The following GRM8 variants were observed in gnomAD, a reference collection of about 807,000 sequenced individuals.
GRM8 encodes metabotropic glutamate receptor 8.
GRM8 carries 47 observed loss-of-function variants against 87.2 expected under a neutral mutation model. The ratio of observed to expected loss-of-function variants is 0.54; its 90% CI spans 0.43 to 0.69. The LOEUF is 0.69. Ranked by LOEUF, GRM8 falls within the 30% of genes least tolerant of loss-of-function variation. The pLI, the probability that GRM8 is intolerant of heterozygous loss-of-function variation, is 0.00. For synonymous variants in GRM8, 396 were observed against 404.5 expected (o/e 0.98, Z 0.25); for missense variants, 1,019 against 1,139.2 (o/e 0.89, Z 1.52).
chr7:127,055,812 G>GA (rs111733090), intron 3 of GRM8, among the ~76,000 whole-genome samples: 22,798 of 149,238 alleles, frequency 0.15, 1,762 homozygotes, highest in South Asian at 0.25. Context: ...TCTCTAAGGG[G>GA]AAAAAAAAAA....
At chr7:126,919,306 G>C (rs1290881254) in intron 3 of GRM8, among the ~76,000 whole-genome samples, 4 of 152,116 alleles carry the variant, frequency 2.6e-5, no homozygotes, top group African/African-American at 4.8e-5. Flanking sequence ...TCAACATTTT[G>C]TGTTTCTATG....
chr7:126,532,975 C>T lies in GRM8; in HGVS notation c.2407G>A (p.Gly803Ser). Residue 803 changes from glycine to serine, a missense_variant, in exon 9 of 11, where the codon GGT becomes AGT. Gly to Ser is a moderately conservative substitution (Grantham distance 56). Transcript: ENST00000339582. The stretch of plus-strand genomic sequence containing the variant: ...ACCTTTTCTGCTGACTGGGCTGTAC[C>T]AAAAAAGATGGGGATGAAAGCTAAC... The part of the protein sequence containing the change: ...IWLAFIPIFF[G>S]TAQSAEKMYI... The T allele has an allele frequency of 1.2e-6, 2 of 1,611,466 alleles. No individual in the cohort carries two copies. Among genetic ancestry groups the T allele is most frequent in the Non-Finnish European group, 8.5e-7 (1 of 1,178,656 alleles).
chr7:126,447,572 C>T (rs1436663988), intron 9 of GRM8, among the ~76,000 whole-genome samples: 1 of 151,884 alleles, frequency 6.6e-6, no homozygotes, highest in Non-Finnish European at 1.5e-5. Context: ...CAAGACCAAA[C>T]TAATTGTGTC....
At chr7:126,570,677 G>A (rs1794619958) in intron 8 of GRM8, among the ~76,000 whole-genome samples, 1 of 152,122 alleles carries the variant, frequency 6.6e-6, no homozygotes, top group South Asian at 2.1e-4. Context: ...AAAAATTTCA[G>A]GAGCATTCTC....
intron 6 of GRM8, among the ~76,000 whole-genome samples, chr7:126,830,089 C>A (rs1009798095): frequency 3.3e-5 from 5 of 152,268 alleles, no homozygotes; most frequent in African/African-American, 1.2e-4. Context: ...GTCTGATGGG[C>A]TTCCCTTTGA....
chr7:126,908,529 C>T (rs890329525), intron 3 of GRM8, among the ~76,000 whole-genome samples: 1 of 152,140 alleles, frequency 6.6e-6, no homozygotes, highest in African/African-American at 2.4e-5. Flanking sequence ...ATGTTATATG[C>T]TGAGTATCAT....
intron 3 of GRM8, among the ~76,000 whole-genome samples, chr7:127,030,892 G>A (rs192949861): frequency 6.6e-6 from 1 of 152,038 alleles, no homozygotes; most frequent in Non-Finnish European, 1.5e-5. Flanking sequence ...AATGTTACAT[G>A]GTTTCCAGAC....
rs374437851 is a variant in GRM8 at position 127,008,610 on chromosome 7, C to T, written c.727+97886G>A. Reference sequence around the variant, plus strand: ...CAAACTATTAAAAGTAAAACATTTACCTAAGCCTTGTTTTTGTCTTGTAAT... The same window carrying T: ...CAAACTATTAAAAGTAAAACATTTATCTAAGCCTTGTTTTTGTCTTGTAAT... On this transcript the variant is annotated intron_variant, in intron 3 of 10. Coordinates refer to ENST00000339582, the MANE Select transcript of GRM8 (RefSeq NM_000845.3). Among the ~76,000 whole-genome samples the T allele has an allele frequency of 3.4e-4, 52 of 152,150 alleles. 1 individual carries two copies. In the East Asian group the frequency reaches 6.9e-3, roughly 20 times the overall value.
chr7:126,461,736 C>A (rs534171633), intron 9 of GRM8, among the ~76,000 whole-genome samples: 1 of 151,562 alleles, frequency 6.6e-6, no homozygotes, highest in Admixed American at 6.6e-5. Flanking sequence ...GCTGTTATTT[C>A]GGATGAATTC....
chr7:126,771,574 T>C (rs915733364), intron 6 of GRM8, among the ~76,000 whole-genome samples: 8 of 152,138 alleles, frequency 5.3e-5, no homozygotes, highest in African/African-American at 9.6e-5. Context: ...GACTATAAAA[T>C]GTTGACTACA....
chr7:127,060,826 T>G (rs1380231421), intron 3 of GRM8, among the ~76,000 whole-genome samples: 2 of 152,162 alleles, frequency 1.3e-5, no homozygotes, highest in Non-Finnish European at 2.9e-5. Context: ...AAAAAAAATT[T>G]AACTCATTTT....
chr7:126,460,721 T>C (rs145936726), intron 9 of GRM8, among the ~76,000 whole-genome samples: 8 of 151,670 alleles, frequency 5.3e-5, no homozygotes, highest in African/African-American at 1.9e-4. Flanking sequence ...AAGAGCTAAA[T>C]ACAAGAGAGT....
intron 2 of GRM8, chr7:127,215,258 G>A (rs916824562): frequency 3.9e-5 from 6 of 152,178 alleles, no homozygotes; most frequent in Non-Finnish European, 8.8e-5. Flanking sequence ...GATAATGTGA[G>A]TTTAAGCCCT....
At chr7:127,199,089 C>A (rs1368995217) in intron 2 of GRM8, among the ~76,000 whole-genome samples, 1 of 152,090 alleles carries the variant, frequency 6.6e-6, no homozygotes, top group Non-Finnish European at 1.5e-5. Flanking sequence ...GATCCATCTG[C>A]CTCAGCCTCC....
intron 3 of GRM8, among the ~76,000 whole-genome samples, chr7:127,104,630 A>G (rs903624124): frequency 6.6e-6 from 1 of 152,192 alleles, no homozygotes; most frequent in African/African-American, 2.4e-5. Context: ...AGAATGGACA[A>G]CCAATCAAGT....
intron 7 of GRM8, among the ~76,000 whole-genome samples, chr7:126,727,488 T>C (rs1185168905): frequency 1.3e-5 from 2 of 152,074 alleles, no homozygotes; most frequent in African/African-American, 4.8e-5. Context: ...TCAGTTTCCA[T>C]ATAGGTAGAT....
At chr7:126,614,027 T>C (rs547221041) in intron 7 of GRM8, among the ~76,000 whole-genome samples, 262 of 151,970 alleles carry the variant, frequency 1.7e-3, no homozygotes, top group Non-Finnish European at 2.5e-3. Flanking sequence ...TTGAAGAGAG[T>C]AGTGGTTCTC....
intron 8 of GRM8, among the ~76,000 whole-genome samples, chr7:126,576,888 T>A (rs1012787257): frequency 2.0e-5 from 3 of 152,186 alleles, no homozygotes; most frequent in African/African-American, 7.2e-5. Flanking sequence ...CTCTGTTGTA[T>A]CCTTTCTAGG....
At chr7:126,925,893 T>G (rs1309009983) in intron 3 of GRM8, among the ~76,000 whole-genome samples, 1 of 152,208 alleles carries the variant, frequency 6.6e-6, no homozygotes, top group Non-Finnish European at 1.5e-5. Context: ...TAAATATCAC[T>G]GCAATACATA....
Sources: gnomAD v4.1 joint callset for allele counts (sites outside exome capture counted in the v4.1 genomes callset) on GRCh38, gnomAD v4.1.1 for gene constraint, MANE v1.5 for transcripts, NCBI Gene and HGNC (gene_info 2026-07-23, HGNC 2026-07-21) for gene names.